The following ROBO2 variants were observed in gnomAD, a reference collection of about 807,000 sequenced individuals.
ROBO2 encodes the protein roundabout guidance receptor 2.
Under a neutral mutation model 160.8 loss-of-function variants are expected in ROBO2, and 53 were observed. That is an observed-to-expected ratio of 0.33 (90% CI 0.26 to 0.41). ROBO2 has a LOEUF of 0.41. Ranked by LOEUF, ROBO2 falls within the 10% of genes least tolerant of loss-of-function variation. The probability of loss-of-function intolerance (pLI) is 1.00; values close to 1 mark genes in which losing one functional copy is unlikely to be tolerated. For missense variants in ROBO2, 1,577 were observed against 1,722.4 expected (o/e 0.92, Z 1.49); for synonymous variants, 664 against 611.7 (o/e 1.09, Z -1.26).
At chr3:77,057,834 G>A (rs1435251517) in intron 1 of ROBO2, among the ~76,000 whole-genome samples, 1 of 151,916 alleles carries the variant, frequency 6.6e-6, no homozygotes, top group East Asian at 1.9e-4. Context: ...CTCCCAAAGT[G>A]TTGGGATTAC....
chr3:76,928,802 C>G, intron 2 of ROBO2, among the ~76,000 whole-genome samples: 1 of 152,202 alleles, frequency 6.6e-6, no homozygotes, highest in Admixed American at 6.5e-5. Context: ...TCTGTCTTTT[C>G]ATTGTCTCTC....
chr3:76,205,219 TC>T (rs1250916039), intron 2 of ROBO2, among the ~76,000 whole-genome samples: 1 of 152,174 alleles, frequency 6.6e-6, no homozygotes, highest in Non-Finnish European at 1.5e-5. Flanking sequence ...CTAGCACAAT[TC>T]CCAGCTCTGC....
chr3:76,270,080 A>T (rs774760385), intron 2 of ROBO2, among the ~76,000 whole-genome samples: 2 of 152,050 alleles, frequency 1.3e-5, no homozygotes, highest in African/African-American at 2.4e-5. Context: ...TGTCATATTG[A>T]TGGAGGAGTT....
At chr3:76,575,440 T>C (rs2085227003) in intron 2 of ROBO2, among the ~76,000 whole-genome samples, 1 of 152,066 alleles carries the variant, frequency 6.6e-6, no homozygotes, top group Non-Finnish European at 1.5e-5. Flanking sequence ...TGTAATTTCA[T>C]GGTACCCTAT....
At chr3:77,480,105 T>C (rs756714407) in intron 3 of ROBO2, among the ~76,000 whole-genome samples, 1 of 152,126 alleles carries the variant, frequency 6.6e-6, no homozygotes, top group East Asian at 1.9e-4. Context: ...TTTTCACCTA[T>C]GTAAAAAAAA....
chr3:77,188,933 G>A (rs1429659642), intron 2 of ROBO2, among the ~76,000 whole-genome samples: 1 of 149,678 alleles, frequency 6.7e-6, no homozygotes, highest in Non-Finnish European at 1.5e-5. Context: ...CTTGAAGCCA[G>A]ATTACTTTTG....
intron 21 of ROBO2, among the ~76,000 whole-genome samples, chr3:77,616,463 G>A (rs1002641217): frequency 2.0e-5 from 3 of 151,980 alleles, no homozygotes; most frequent in Non-Finnish European, 4.4e-5. Context: ...TCTGTTGCAC[G>A]TGTTTAACAA....
chr3:77,405,079 C>G (rs1212365872), intron 2 of ROBO2, among the ~76,000 whole-genome samples: 1 of 152,154 alleles, frequency 6.6e-6, no homozygotes, highest in Non-Finnish European at 1.5e-5. Context: ...AGTGATCTCT[C>G]TTACAAAACA....
chr3:76,008,657 C>G (rs1380221635), intron 2 of ROBO2, among the ~76,000 whole-genome samples: 1 of 152,164 alleles, frequency 6.6e-6, no homozygotes, highest in East Asian at 1.9e-4. Flanking sequence ...AATGACCACC[C>G]TCTCATCACA....
intron 2 of ROBO2, among the ~76,000 whole-genome samples, chr3:76,508,321 T>C (rs188322047): frequency 6.6e-6 from 1 of 152,270 alleles, no homozygotes; most frequent in African/African-American, 2.4e-5. Context: ...TTTTAACCAT[T>C]GGCAACATGA....
At chr3:76,820,654 G>A (rs2066044663) in intron 2 of ROBO2, among the ~76,000 whole-genome samples, 1 of 151,924 alleles carries the variant, frequency 6.6e-6, no homozygotes, top group South Asian at 2.1e-4. Context: ...ATTCCAGTGG[G>A]TAATAGATAA....
intron 2 of ROBO2, among the ~76,000 whole-genome samples, chr3:77,127,040 T>C (rs12106742): frequency 0.074 from 11,164 of 151,680 alleles, 1,349 homozygotes; most frequent in African/African-American, 0.25. Flanking sequence ...CCGCCCGCCT[T>C]GGCCTCCCAA....
chr3:77,384,631 C>T (rs1451660138), intron 2 of ROBO2, among the ~76,000 whole-genome samples: 4 of 152,070 alleles, frequency 2.6e-5, no homozygotes, highest in African/African-American at 9.7e-5. Flanking sequence ...AGTACTTTGC[C>T]TGAAATATAA....
At chr3:76,044,264 A>G (rs2067375765) in intron 2 of ROBO2, among the ~76,000 whole-genome samples, 8 of 152,048 alleles carry the variant, frequency 5.3e-5, no homozygotes, top group Admixed American at 5.2e-4. Context: ...GGGTGAATGT[A>G]AGCATTCTTC....
At chr3:76,126,941 CT>C (rs1225047908) in intron 2 of ROBO2, among the ~76,000 whole-genome samples, 1 of 152,060 alleles carries the variant, frequency 6.6e-6, no homozygotes, top group African/African-American at 2.4e-5. Flanking sequence ...TGCTTAATAT[CT>C]TGTTGTGAGA....
At chr3:76,417,026 TG>T (rs1464595894) in intron 2 of ROBO2, among the ~76,000 whole-genome samples, 1 of 152,248 alleles carries the variant, frequency 6.6e-6, no homozygotes, top group Non-Finnish European at 1.5e-5. Context: ...TCTATCCTGC[TG>T]TGCTGGCTAT....
intron 2 of ROBO2, among the ~76,000 whole-genome samples, chr3:76,024,511 T>G (rs1294737299): frequency 6.6e-6 from 1 of 151,636 alleles, no homozygotes; most frequent in Non-Finnish European, 1.5e-5. Flanking sequence ...TACCTGTGGT[T>G]TACCTGCTAA....
chr3:77,011,107 T>TTTCTATCTTTC (rs1578235468), intron 2 of ROBO2, among the ~76,000 whole-genome samples: 1 of 108,218 alleles, frequency 9.2e-6, no homozygotes, highest in East Asian at 3.6e-4. Flanking sequence ...ATCTTTCTTC[T>TTTCTATCTTTC]TTCTTTCCTT....
chr3:77,596,129 G>A (rs887072902), intron 18 of ROBO2, among the ~76,000 whole-genome samples: 8 of 152,112 alleles, frequency 5.3e-5, no homozygotes, highest in African/African-American at 1.9e-4. Flanking sequence ...TTATGGAGCA[G>A]TATAAATACT....
Sources: allele counts gnomAD v4.1 joint callset (sites outside exome capture counted in the v4.1 genomes callset), GRCh38; gene constraint gnomAD v4.1.1; transcripts MANE v1.5; gene names NCBI Gene and HGNC (gene_info 2026-07-23, HGNC 2026-07-21).